The following LRBA variants were observed in gnomAD, a reference collection of about 807,000 sequenced individuals.
LRBA encodes the protein LPS responsive beige-like anchor protein, also known as lipopolysaccharide-responsive and beige-like anchor protein.
A neutral mutation model predicts 330.0 loss-of-function variants in LRBA; 176 were observed. The ratio of observed to expected loss-of-function variants is 0.53; its 90% CI spans 0.47 to 0.60. LRBA has a LOEUF of 0.60. Ranked by LOEUF, LRBA falls within the 20% of genes least tolerant of loss-of-function variation. The pLI is 0.00. For synonymous variants in LRBA, 1,230 were observed against 1,193.0 expected (o/e 1.03, Z -0.64); for missense variants, 3,259 against 3,444.8 (o/e 0.95, Z 1.35).
At chr4:150,512,571 G>A (rs1442117320) in intron 40 of LRBA, among the ~76,000 whole-genome samples, 1 of 151,922 alleles carries the variant, frequency 6.6e-6, no homozygotes, top group Non-Finnish European at 1.5e-5. Context: ...AGCAGTCTAG[G>A]GCTCCACACC....
intron 37 of LRBA, among the ~76,000 whole-genome samples, chr4:150,656,182 A>G (rs1438518812): frequency 2.6e-5 from 4 of 152,108 alleles, no homozygotes; most frequent in Non-Finnish European, 5.9e-5. Flanking sequence ...TCCAACTTCT[A>G]TGTTTGCTTG....
chr4:150,781,175 G>A (rs1398093473), intron 34 of LRBA, among the ~76,000 whole-genome samples: 3 of 152,106 alleles, frequency 2.0e-5, no homozygotes, highest in Admixed American at 2.0e-4. Flanking sequence ...CACCACGCCC[G>A]GCCGTGCATT....
intron 42 of LRBA, among the ~76,000 whole-genome samples, chr4:150,482,904 T>C (rs371827860): frequency 5.7e-4 from 87 of 152,192 alleles, no homozygotes; most frequent in African/African-American, 2.1e-3. Flanking sequence ...GTTTCCTACA[T>C]ATCCTGGATG....
At chr4:150,772,129 A>T (rs1262041714) in intron 34 of LRBA, among the ~76,000 whole-genome samples, 3 of 152,326 alleles carry the variant, frequency 2.0e-5, no homozygotes, top group Non-Finnish European at 4.4e-5. Context: ...CTTCCAAAAA[A>T]AGTAAACAAT....
At chr4:150,688,634 G>C (rs1783833739) in intron 36 of LRBA, among the ~76,000 whole-genome samples, 1 of 152,098 alleles carries the variant, frequency 6.6e-6, no homozygotes, top group African/African-American at 2.4e-5. Flanking sequence ...TCAAAAAGTG[G>C]GTGAAGGATA....
In LRBA at chr4:150,506,735, C is replaced by A. The variant is rs147652197; in HGVS notation, c.6331-15700G>T. 4.5e-3 allele frequency among the ~76,000 whole-genome samples: 689 copies of A among 152,110 alleles called. 2 individuals are homozygous for A. The highest frequency in any genetic ancestry group is 6.0e-3 in the Non-Finnish European group (408 of 67,984). On this transcript the variant is annotated intron_variant, in intron 40 of 56. Coordinates refer to ENST00000651943, the MANE Select transcript of LRBA (RefSeq NM_001364905.1). ...GTTGGAAGTTCTGGCCAGGGCAATC[C>A]GTCAGGAGAAAGAAAGAAAGGGTAT...
intron 37 of LRBA, among the ~76,000 whole-genome samples, chr4:150,625,807 T>G (rs978723104): frequency 6.6e-6 from 1 of 151,812 alleles, no homozygotes; most frequent in Admixed American, 6.6e-5. Flanking sequence ...CCTCCCGGGT[T>G]AGAGTGATTC....
chr4:150,288,017 A>G (rs1369033953), intron 53 of LRBA, among the ~76,000 whole-genome samples: 6 of 146,818 alleles, frequency 4.1e-5, no homozygotes, highest in African/African-American at 1.5e-4. Context: ...TCTGAGACGG[A>G]GTCTCACTCT....
chr4:150,779,296 T>C (rs991853154), intron 34 of LRBA, among the ~76,000 whole-genome samples: 1 of 152,108 alleles, frequency 6.6e-6, no homozygotes, highest in Non-Finnish European at 1.5e-5. Context: ...AATACATATG[T>C]GTTTCTTTTT....
At chr4:150,678,255 A>G (rs1012787133) in intron 37 of LRBA, among the ~76,000 whole-genome samples, 2 of 151,936 alleles carry the variant, frequency 1.3e-5, no homozygotes, top group Non-Finnish European at 2.9e-5. Context: ...AAAAAAAAAA[A>G]AAAAGAAAGA....
At chr4:150,800,473 T>C (rs1189991242) in intron 33 of LRBA, among the ~76,000 whole-genome samples, 1 of 152,196 alleles carries the variant, frequency 6.6e-6, no homozygotes, top group African/African-American at 2.4e-5. Context: ...AGAACTTACG[T>C]CACTTCTATT....
chr4:150,985,130 G>T (rs190394317), intron 2 of LRBA, among the ~76,000 whole-genome samples: 1,793 of 151,974 alleles, frequency 0.012, 17 homozygotes, highest in South Asian at 0.031. Flanking sequence ...ATGGTGACAG[G>T]CGCCTGTAAT....
At chr4:150,446,310 C>G (rs1369142176) in intron 44 of LRBA, among the ~76,000 whole-genome samples, 1 of 152,112 alleles carries the variant, frequency 6.6e-6, no homozygotes, top group Admixed American at 6.5e-5. Context: ...TATTGTTTGG[C>G]AAATGTAAAT....
intron 41 of LRBA, 85 bp downstream of exon 41, chr4:150,490,833 A>G: frequency 1.5e-6 from 1 of 671,222 alleles, no homozygotes; most frequent in Non-Finnish European, 2.4e-6. Context: ...AACTATCTAA[A>G]TTGAAGCAAT....
chr4:150,792,204 A>T (rs1015212286), intron 34 of LRBA, among the ~76,000 whole-genome samples: 29 of 102,330 alleles, frequency 2.8e-4, no homozygotes, highest in Non-Finnish European at 5.1e-4. Context: ...AGTTTTAGTT[A>T]AAAAAAAAAA....
chr4:150,458,966 G>C (rs1168567188), intron 44 of LRBA, among the ~76,000 whole-genome samples: 1 of 151,924 alleles, frequency 6.6e-6, no homozygotes, highest in Non-Finnish European at 1.5e-5. Flanking sequence ...AGCTGACTGA[G>C]CATATAGACC....
At position 150,677,385 on chromosome 4, in the gene LRBA, T is replaced by C. The variant is rs561473178; in HGVS notation, c.5921+6166A>G. ...GACTTGCAGGATATTCCAAAAATGC[T>C]ACAAATTTTTTAATGTTTCAATGAG... is the stretch of plus-strand genomic sequence containing the variant. On this transcript the variant is annotated intron_variant, in intron 37 of 56. Coordinates refer to ENST00000651943, the MANE Select transcript of LRBA (RefSeq NM_001364905.1). Among the ~76,000 whole-genome samples, 19 of 152,314 alleles carry C rather than the reference T, an allele frequency of 1.2e-4. No individual in the cohort carries two copies. The South Asian group carries it at 3.9e-3, about 32-fold the overall frequency.
At chr4:150,474,232 T>C (rs923781038) in intron 42 of LRBA, among the ~76,000 whole-genome samples, 2 of 152,220 alleles carry the variant, frequency 1.3e-5, no homozygotes, top group Non-Finnish European at 2.9e-5. Context: ...GCCTATCTTT[T>C]CCTCACTGAA....
At chr4:150,536,289 A>G (rs1043993511) in intron 40 of LRBA, among the ~76,000 whole-genome samples, 2 of 152,246 alleles carry the variant, frequency 1.3e-5, no homozygotes, top group African/African-American at 4.8e-5. Context: ...ATTAGGTATG[A>G]GATAATATTA....
Sources: gnomAD v4.1 joint callset for allele counts (sites outside exome capture counted in the v4.1 genomes callset) on GRCh38, gnomAD v4.1.1 for gene constraint, MANE v1.5 for transcripts, NCBI Gene and HGNC (gene_info 2026-07-23, HGNC 2026-07-21) for gene names.